Variants in PDCD10 observed in about 807,000 individuals in gnomAD.
PDCD10 encodes the protein programmed cell death protein 10.
PDCD10 carries 4 observed loss-of-function variants against 29.2 expected under a neutral mutation model. The ratio of observed to expected loss-of-function variants is 0.14; its 90% CI spans 0.07 to 0.31. The LOEUF is 0.31. Among genes scored for constraint, PDCD10 ranks in the 10% least tolerant of loss-of-function variants. The probability of loss-of-function intolerance (pLI) is 1.00; values close to 1 mark genes in which losing one functional copy is unlikely to be tolerated. For synonymous variants in PDCD10, 70 were observed against 82.2 expected (o/e 0.85, Z 0.80); for missense variants, 183 against 257.9 (o/e 0.71, Z 1.99).
intron 4 of PDCD10, among the ~76,000 whole-genome samples, chr3:167,704,126 G>A (rs1241979901): frequency 6.6e-6 from 1 of 152,140 alleles, no homozygotes; most frequent in Admixed American, 6.5e-5. Flanking sequence ...CACCATATTT[G>A]AAGGTATTAC....
At chr3:167,715,949 T>C (rs1722961498) in intron 3 of PDCD10, among the ~76,000 whole-genome samples, 1 of 152,082 alleles carries the variant, frequency 6.6e-6, no homozygotes, top group East Asian at 1.9e-4. Context: ...AAAATCAGTA[T>C]GTAGAAGAGA....
intron 4 of PDCD10, among the ~76,000 whole-genome samples, chr3:167,701,974 A>T: frequency 6.6e-6 from 1 of 152,224 alleles, no homozygotes. Context: ...ACAATGAGGA[A>T]GAAGACAAAG....
At chr3:167,726,114 G>GTTTTTTTTTTTTTTT (rs751342370) in intron 2 of PDCD10, among the ~76,000 whole-genome samples, 1 of 85,766 alleles carries the variant, frequency 1.2e-5, no homozygotes, top group Non-Finnish European at 2.2e-5. Flanking sequence ...GTAGAGTACT[G>GTTTTTTTTTTTTTTT]TTTTTTTTTT....
chr3:167,694,254 A>C, intron 6 of PDCD10: 1 of 176,714 alleles, frequency 5.7e-6, no homozygotes, highest in Non-Finnish European at 1.2e-5. Context: ...GCTACTAAAA[A>C]ACATGCATTT....
At chr3:167,687,554 A>G in intron 7 of PDCD10, 61 bp downstream of exon 7, 1 of 961,998 alleles carries the variant, frequency 1.0e-6, no homozygotes. Flanking sequence ...TAAGTCAATA[A>G]AACAACTAGG....
intron 2 of PDCD10, among the ~76,000 whole-genome samples, chr3:167,721,646 G>A: frequency 6.6e-6 from 1 of 152,206 alleles, no homozygotes; most frequent in Non-Finnish European, 1.5e-5. Context: ...ATCGCTACCA[G>A]TGAAAGGGAA....
intron 2 of PDCD10, among the ~76,000 whole-genome samples, chr3:167,732,339 TG>T (rs1724905934): frequency 6.6e-6 from 1 of 152,172 alleles, no homozygotes; most frequent in African/African-American, 2.4e-5. Context: ...AACAGACAGA[TG>T]TATAATATAC....
At chr3:167,730,638 G>A (rs895896095) in intron 2 of PDCD10, 1 of 152,062 alleles carries the variant, frequency 6.6e-6, no homozygotes, top group South Asian at 2.1e-4. Context: ...GAGTAAACTG[G>A]TAAATCCATG....
intron 6 of PDCD10, among the ~76,000 whole-genome samples, chr3:167,689,112 A>G (rs1214297855): frequency 6.6e-6 from 1 of 152,208 alleles, no homozygotes; most frequent in Non-Finnish European, 1.5e-5. Context: ...GTAGGACAGT[A>G]AGTCTTACAT....
intron 3 of PDCD10, among the ~76,000 whole-genome samples, chr3:167,708,707 G>A (rs1184673655): frequency 2.0e-5 from 3 of 152,172 alleles, no homozygotes; most frequent in Admixed American, 1.3e-4. Context: ...GAAGTTCAAC[G>A]CATGCTTCTA....
At chr3:167,702,167 A>T (rs1721508415) in intron 4 of PDCD10, among the ~76,000 whole-genome samples, 1 of 152,196 alleles carries the variant, frequency 6.6e-6, no homozygotes, top group Non-Finnish European at 1.5e-5. Context: ...GAAATTAAAC[A>T]TATTTCTGTA....
chr3:167,699,752 G>A (rs189488474), intron 4 of PDCD10, among the ~76,000 whole-genome samples: 14 of 152,304 alleles, frequency 9.2e-5, no homozygotes, highest in African/African-American at 3.4e-4. Flanking sequence ...AGGATAAGGG[G>A]GAGAGGGAAT....
intron 3 of PDCD10, among the ~76,000 whole-genome samples, chr3:167,713,423 C>T (rs1355909121): frequency 6.6e-6 from 1 of 151,858 alleles, no homozygotes; most frequent in African/African-American, 2.4e-5. Context: ...CTATGGGATA[C>T]AGTGAAAGCA....
chr3:167,692,516 A>C (rs1577325116), intron 6 of PDCD10, among the ~76,000 whole-genome samples: 2 of 152,234 alleles, frequency 1.3e-5, no homozygotes, highest in East Asian at 3.8e-4. Flanking sequence ...AGGGATGCTC[A>C]ACTTGTACCA....
intron 6 of PDCD10, 98 bp downstream of exon 6, chr3:167,695,498 G>T: frequency 9.7e-7 from 1 of 1,035,450 alleles, no homozygotes; most frequent in Non-Finnish European, 1.5e-6. Flanking sequence ...TTTCAAATAA[G>T]CATTTCAAGT....
At chr3:167,693,786 A>C (rs1429387231) in intron 6 of PDCD10, among the ~76,000 whole-genome samples, 1 of 151,702 alleles carries the variant, frequency 6.6e-6, no homozygotes, top group Non-Finnish European at 1.5e-5. Flanking sequence ...TCTACTAAAA[A>C]TTAAAAAAAA....
chr3:167,692,238 G>T (rs1423885601), intron 6 of PDCD10, among the ~76,000 whole-genome samples: 1 of 152,166 alleles, frequency 6.6e-6, no homozygotes, highest in East Asian at 1.9e-4. Context: ...TAACTATACA[G>T]GGCGAGTATC....
intron 8 of PDCD10, among the ~76,000 whole-genome samples, chr3:167,685,049 C>T (rs1298718896): frequency 6.6e-6 from 1 of 152,100 alleles, no homozygotes; most frequent in Non-Finnish European, 1.5e-5. Context: ...CCTAGTCCCA[C>T]TGTGTGGCCT....
At chr3:167,718,258 T>C (rs1438205588) in intron 3 of PDCD10, among the ~76,000 whole-genome samples, 2 of 152,140 alleles carry the variant, frequency 1.3e-5, no homozygotes, top group Non-Finnish European at 2.9e-5. Context: ...AGAACATGCA[T>C]GCAGCCTTTT....
Sources: gnomAD v4.1 joint callset for allele counts (sites outside exome capture counted in the v4.1 genomes callset) on GRCh38, gnomAD v4.1.1 for gene constraint, MANE v1.5 for transcripts, NCBI Gene and HGNC (gene_info 2026-07-23, HGNC 2026-07-21) for gene names.